CSMD3: variants seen among roughly 807,000 people sequenced by gnomAD.
CSMD3 encodes the protein CUB and Sushi multiple domains 3.
A neutral mutation model predicts 435.2 loss-of-function variants in CSMD3; 177 were observed. That is an observed-to-expected ratio of 0.41 (90% CI 0.36 to 0.46). The LOEUF is 0.46. Ranked by LOEUF, CSMD3 falls within the 20% of genes least tolerant of loss-of-function variation. The pLI, the probability that CSMD3 is intolerant of heterozygous loss-of-function variation, is 0.34. For synonymous variants in CSMD3, 1,656 were observed against 1,520.5 expected (o/e 1.09, Z -2.07); for missense variants, 4,265 against 4,504.6 (o/e 0.95, Z 1.52).
At chr8:112,843,682 A>G (rs1304500588) in intron 11 of CSMD3, among the ~76,000 whole-genome samples, 1 of 151,760 alleles carries the variant, frequency 6.6e-6, no homozygotes, top group Non-Finnish European at 1.5e-5. Context: ...CTGGGAATGG[A>G]CCTCAGCTAA....
intron 32 of CSMD3, among the ~76,000 whole-genome samples, chr8:112,433,129 G>T (rs1813894579): frequency 6.6e-6 from 1 of 152,076 alleles, no homozygotes; most frequent in Non-Finnish European, 1.5e-5. Context: ...AGTTCAAACA[G>T]AAGTTTGTAT....
At chr8:112,575,146 T>C (rs1187959885) in intron 23 of CSMD3, among the ~76,000 whole-genome samples, 1 of 152,062 alleles carries the variant, frequency 6.6e-6, no homozygotes, top group South Asian at 2.1e-4. Context: ...AAAGTAACTT[T>C]ATTAGAATTT....
At chr8:113,162,111 C>A (rs1028391751) in intron 4 of CSMD3, among the ~76,000 whole-genome samples, 1 of 151,886 alleles carries the variant, frequency 6.6e-6, no homozygotes, top group East Asian at 1.9e-4. Context: ...GACACTGGCT[C>A]AAGAGTGTAG....
Position 113,328,735 on chromosome 8 carries a change from C to CTTTTTTTT in CSMD3, c.179-13950_179-13943dup, listed in dbSNP as rs71281211. Among the ~76,000 whole-genome samples, 488 of 57,180 alleles carry CTTTTTTTT rather than the reference C, an allele frequency of 8.5e-3. 22 individuals are homozygous for CTTTTTTTT. Among genetic ancestry groups the CTTTTTTTT allele is most frequent in the East Asian group, 0.022 (23 of 1,054 alleles). The allele number at this position is 57,180 out of a possible 152,430, so 37.5% of individuals were successfully genotyped here. Reference sequence around the variant, plus strand: ...CTTTCTTTCTTTCCTTCCTTCTTTTCTTTTTTTTTTTTTTTTTTTTTTTTG... The same window carrying CTTTTTTTT: ...CTTTCTTTCTTTCCTTCCTTCTTTTCTTTTTTTTTTTTTTTTTTTTTTTTTTTTTTTTG... On this transcript the variant is annotated intron_variant, in intron 1 of 70. Coordinates refer to ENST00000297405, the MANE Select transcript of CSMD3 (RefSeq NM_198123.2).
intron 16 of CSMD3, among the ~76,000 whole-genome samples, chr8:112,667,455 C>T (rs1020710777): frequency 3.3e-5 from 5 of 152,180 alleles, no homozygotes; most frequent in Non-Finnish European, 7.3e-5. Context: ...ATAACATCAT[C>T]TCATCCTTGA....
chr8:112,821,051 C>T (rs1019666345), intron 12 of CSMD3, among the ~76,000 whole-genome samples: 6 of 152,064 alleles, frequency 3.9e-5, no homozygotes, highest in African/African-American at 9.7e-5. Context: ...TCCAGTCTAT[C>T]GTTGATGGGC....
At chr8:112,519,170 G>A (rs1164582702) in intron 27 of CSMD3, among the ~76,000 whole-genome samples, 1 of 152,080 alleles carries the variant, frequency 6.6e-6, no homozygotes. Flanking sequence ...TTTATAAGTG[G>A]AGAGTGATGT....
intron 26 of CSMD3, among the ~76,000 whole-genome samples, chr8:112,551,356 T>C (rs1827669862): frequency 6.6e-6 from 1 of 152,158 alleles, no homozygotes; most frequent in African/African-American, 2.4e-5. Context: ...TCAAGTTTTC[T>C]GACTCTACAG....
chr8:112,393,887 AT>A (rs34762843), intron 35 of CSMD3, among the ~76,000 whole-genome samples: 122,771 of 149,530 alleles, frequency 0.82, 50,842 homozygotes, highest in African/African-American at 0.94. Context: ...CTGCACTCAG[AT>A]TTTTTTTTTT....
At chr8:112,279,236 A>C (rs1414012735) in intron 59 of CSMD3, among the ~76,000 whole-genome samples, 1 of 152,192 alleles carries the variant, frequency 6.6e-6, no homozygotes, top group African/African-American at 2.4e-5. Flanking sequence ...TAGTACTTGA[A>C]AAATCTTTGT....
intron 9 of CSMD3, among the ~76,000 whole-genome samples, chr8:112,940,031 T>A (rs1428923182): frequency 6.6e-6 from 1 of 152,040 alleles, no homozygotes; most frequent in African/African-American, 2.4e-5. Flanking sequence ...ATACTAACGG[T>A]CTCTTTGTAA....
chr8:112,444,963 C>A (rs73328634), intron 32 of CSMD3, among the ~76,000 whole-genome samples: 1 of 152,018 alleles, frequency 6.6e-6, no homozygotes, highest in Non-Finnish European at 1.5e-5. Flanking sequence ...ACATAGCAGG[C>A]CAATTGTGGT....
intron 6 of CSMD3, among the ~76,000 whole-genome samples, chr8:113,017,826 A>C (rs1157714197): frequency 6.6e-6 from 1 of 152,066 alleles, no homozygotes; most frequent in African/African-American, 2.4e-5. Context: ...TTTAAGATTC[A>C]AGTTACCATG....
At chr8:113,378,751 T>A (rs1009508812) in intron 1 of CSMD3, among the ~76,000 whole-genome samples, 4 of 116,580 alleles carry the variant, frequency 3.4e-5, no homozygotes, top group Non-Finnish European at 5.2e-5. Context: ...CAATTTTGAT[T>A]GTCACACTGA....
At chr8:112,417,135 C>T (rs531848118) in intron 32 of CSMD3, among the ~76,000 whole-genome samples, 2 of 152,248 alleles carry the variant, frequency 1.3e-5, no homozygotes, top group South Asian at 4.1e-4. Context: ...ATTATCAGCA[C>T]TTATAGCTGA....
At chr8:112,289,843 T>C (rs1016146660) in intron 56 of CSMD3, among the ~76,000 whole-genome samples, 1 of 152,090 alleles carries the variant, frequency 6.6e-6, no homozygotes, top group East Asian at 1.9e-4. Context: ...TGAGTGTGTG[T>C]CCACATATAT....
intron 32 of CSMD3, among the ~76,000 whole-genome samples, chr8:112,466,939 GT>G (rs1363753219): frequency 1.3e-5 from 2 of 152,110 alleles, no homozygotes; most frequent in Non-Finnish European, 2.9e-5. Flanking sequence ...AAGGAAAGAT[GT>G]TTCTAGATTA....
At chr8:113,429,952 A>T (rs554098932) in intron 1 of CSMD3, among the ~76,000 whole-genome samples, 2 of 152,346 alleles carry the variant, frequency 1.3e-5, no homozygotes, top group South Asian at 4.1e-4. Context: ...AATTCATGTT[A>T]GTACATTAAT....
At chr8:112,744,925 C>G (rs2077394209) in intron 13 of CSMD3, among the ~76,000 whole-genome samples, 1 of 152,044 alleles carries the variant, frequency 6.6e-6, no homozygotes, top group South Asian at 2.1e-4. Flanking sequence ...ACACTGTAAA[C>G]CTATTTAAGG....
Sources: allele counts gnomAD v4.1 joint callset (sites outside exome capture counted in the v4.1 genomes callset), GRCh38; gene constraint gnomAD v4.1.1; transcripts MANE v1.5; gene names NCBI Gene and HGNC (gene_info 2026-07-23, HGNC 2026-07-21).